The following ZIM2 variants were observed in gnomAD, a reference collection of about 807,000 sequenced individuals.
ZIM2 encodes the protein zinc finger imprinted 2, also known as zinc finger protein 656.
Under a neutral mutation model 38.6 loss-of-function variants are expected in ZIM2, and 14 were observed. That is an observed-to-expected ratio of 0.36 (90% CI 0.24 to 0.57). The LOEUF (loss-of-function observed/expected upper bound fraction) is 0.57. ZIM2 is among the 20% of genes least tolerant of loss of function. ZIM2 has a pLI of 0.81. For synonymous variants in ZIM2, 247 were observed against 245.8 expected, an observed-to-expected ratio of 1.00 and a Z score of -0.04; for missense variants, 680 against 695.1, an observed-to-expected ratio of 0.98 and a Z score of 0.24.
chr19:56,774,713 T>C lies in ZIM2; in HGVS notation c.1652A>G (p.Lys551Arg), dbSNP rs533062558. 5.0e-6 allele frequency: 8 copies of C among 1,614,138 alleles called. No individual in the cohort carries two copies. The South Asian group carries it at 7.7e-5, about 16-fold the overall frequency. Residue 551 changes from lysine to arginine, a missense_variant, in exon 13 of 13, where the codon AAA becomes AGA. By Grantham distance (26) the Lys-to-Arg change is conservative. Coordinates refer to ENST00000629319, the MANE Select transcript of ZIM2 (RefSeq NM_001387356.1). ...TQHYQLHSQE[K>R]TVECDHC is the part of the protein sequence containing the mutation. ...TCAACAGTGATCGCACTCAACAGTTTTCTCTTGAGAATGGAGTTGATAATG... is the reference window on the plus strand; with the variant it reads ...TCAACAGTGATCGCACTCAACAGTTCTCTCTTGAGAATGGAGTTGATAATG...
At chr19:56,803,142 G>A (rs1165602718) in intron 9 of ZIM2, among the ~76,000 whole-genome samples, 1 of 152,152 alleles carries the variant, frequency 6.6e-6, no homozygotes, top group Non-Finnish European at 1.5e-5. Flanking sequence ...AAAAGAAAGG[G>A]GGCAGAAGGG....
In ZIM2 at chr19:56,774,992, A is replaced by C; in HGVS notation, c.1373T>G (p.Leu458Arg). 1 of 1,614,220 alleles carries C rather than the reference A, an allele frequency of 6.2e-7. No homozygotes were observed. The highest frequency in any genetic ancestry group is 8.5e-7 in the Non-Finnish European group (1 of 1,180,044). ...CGKAFLQNVH[L>R]LQHLKAHEAA... ...CTCATGGGCTTTGAGATGTTGAAGA[A>C]GATGCACATTCTGGAGAAAAGCTTT... is the stretch of plus-strand genomic sequence containing the variant. The change falls in exon 13 of 13, where the codon CTT becomes CGT. Residue 458 changes from leucine to arginine, a missense_variant. Coordinates refer to ENST00000629319, the MANE Select transcript of ZIM2 (RefSeq NM_001387356.1).
chr19:56,811,695 A>C (rs1487217201), intron 9 of ZIM2: 1 of 985,404 alleles, frequency 1.0e-6, no homozygotes, highest in Non-Finnish European at 1.2e-6. Context: ...CCCATGTAGT[A>C]AACCTCACTG....
At position 56,816,526 on chromosome 19, in the gene ZIM2, C is replaced by T. The variant is rs755642249; in HGVS notation, c.490+1220G>A. 4 of 1,613,624 alleles carry T rather than the reference C, an allele frequency of 2.5e-6. No individual in the cohort carries two copies. The East Asian group carries it at 8.9e-5, about 36-fold the overall frequency. ...TTTCTGATGTTCTTTCAGGGATGAG[C>T]TATGAAGGAAAGTCTCCCCACACAC... On this transcript the variant is annotated intron_variant, in intron 9 of 12. Coordinates refer to ENST00000629319, the MANE Select transcript of ZIM2 (RefSeq NM_001387356.1).
intron 9 of ZIM2, chr19:56,815,972 T>C: frequency 6.3e-7 from 1 of 1,586,674 alleles, no homozygotes. Context: ...CCTTCAGAGG[T>C]GTTCCCTCCA....
intron 2 of ZIM2, 51 bp downstream of exon 2, chr19:56,835,967 G>A (rs991480669): frequency 1.0e-5 from 5 of 494,000 alleles, no homozygotes; most frequent in Non-Finnish European, 1.2e-5. Flanking sequence ...AGGAAGTGCG[G>A]TGGTCACTCC....
intron 12 of ZIM2, among the ~76,000 whole-genome samples, chr19:56,778,148 A>G (rs545244585): frequency 2.0e-5 from 3 of 152,284 alleles, no homozygotes; most frequent in African/African-American, 7.2e-5. Flanking sequence ...ATTTTTTAAA[A>G]CTACTGCCCC....
At chr19:56,781,626 A>G (rs2046336211) in intron 11 of ZIM2, among the ~76,000 whole-genome samples, 2 of 152,130 alleles carry the variant, frequency 1.3e-5, no homozygotes, top group Non-Finnish European at 2.9e-5. Flanking sequence ...TAGCCTTTCA[A>G]TGACTCAGGT....
rs116250844 is a variant in ZIM2 at position 56,796,959 on chromosome 19, C to T, written c.491-7008G>A. 5.2e-3 allele frequency among the ~76,000 whole-genome samples: 792 copies of T among 151,922 alleles called. 10 individuals carry two copies. The highest frequency in any genetic ancestry group is 0.018 in the African/African-American group (760 of 41,428). ...TAAAGACTAAACTAAGCTGTGACTA[C>T]GTGAGGGTGAGCTGAAAGCATGACA... On this transcript the variant is annotated intron_variant, in intron 9 of 12. Transcript: ENST00000629319.
In ZIM2 at chr19:56,823,596, A is replaced by C. The variant is rs1427615854; in HGVS notation, c.100T>G (p.Phe34Val). Residue 34 changes from phenylalanine to valine, a missense_variant, in exon 5 of 13, where the codon TTC (phenylalanine) becomes GTC (valine). Physicochemically the swap from Phe to Val is conservative, Grantham distance 50 (BLOSUM62 -1). Coordinates refer to ENST00000629319, the MANE Select transcript of ZIM2 (RefSeq NM_001387356.1). ...AGTGGGGATGGGTACTCACCACTGA[A>C]AGAATGGACTGAGTGAGGTGGTGAG... ...ESSPPHSVHS[F>V]SGDRDWDRRG... 2.5e-6 allele frequency: 4 copies of C among 1,614,088 alleles called. No individual in the cohort carries two copies. Among genetic ancestry groups the C allele is most frequent in the Non-Finnish European group, 3.4e-6 (4 of 1,180,008 alleles).
chr19:56,785,382 C>T (rs182147210), intron 10 of ZIM2, among the ~76,000 whole-genome samples: 26 of 152,104 alleles, frequency 1.7e-4, no homozygotes, highest in African/African-American at 6.0e-4. Flanking sequence ...TTACCTCGCT[C>T]CCCCCACCCC....
intron 10 of ZIM2, 153 bp from the exon 11 acceptor site, chr19:56,782,274 G>T: frequency 9.8e-7 from 1 of 1,017,510 alleles, no homozygotes; most frequent in Non-Finnish European, 1.4e-6. Flanking sequence ...AGAGAAGTGG[G>T]AACATTACTG....
intron 9 of ZIM2, among the ~76,000 whole-genome samples, chr19:56,805,537 T>C (rs2047718343): frequency 6.6e-6 from 1 of 152,164 alleles, no homozygotes; most frequent in Non-Finnish European, 1.5e-5. Context: ...CAGAAAGTAT[T>C]CAGTGGGTAA....
At chr19:56,832,532 C>T (rs2061673482) in intron 2 of ZIM2, among the ~76,000 whole-genome samples, 1 of 152,242 alleles carries the variant, frequency 6.6e-6, no homozygotes, top group Non-Finnish European at 1.5e-5. Context: ...CCCCTCATTA[C>T]TAAAGCTTCC....
chr19:56,825,097 A>T (rs1396143498), intron 3 of ZIM2: 1 of 161,496 alleles, frequency 6.2e-6, no homozygotes, highest in Non-Finnish European at 1.4e-5. Context: ...AAAAAGACTT[A>T]ACTGCCCAAT....
chr19:56,778,014 C>T (rs900408534), intron 12 of ZIM2, among the ~76,000 whole-genome samples: 3 of 152,150 alleles, frequency 2.0e-5, no homozygotes, highest in African/African-American at 4.8e-5. Flanking sequence ...CTCAAGATTT[C>T]TACATTGGTC....
chr19:56,816,322 T>C lies in ZIM2; in HGVS notation c.490+1424A>G. ...GCCTTCAAAGAGGTTCTTTCGAGAA[T>C]GAATTTTCTGATGCTCACTGAGCTC... On this transcript the variant is annotated intron_variant, in intron 9 of 12. Transcript: ENST00000629319. 6.2e-7 allele frequency: 1 copy of C among 1,614,160 alleles called. No individual in the cohort carries two copies. Among genetic ancestry groups the C allele is most frequent in the African/African-American group, 1.3e-5 (1 of 75,050 alleles).
At chr19:56,830,771 G>A (rs367959723) in intron 2 of ZIM2, among the ~76,000 whole-genome samples, 2 of 149,996 alleles carry the variant, frequency 1.3e-5, no homozygotes, top group Non-Finnish European at 2.9e-5. Flanking sequence ...AAAATTTACA[G>A]AAGGAACACA....
chr19:56,789,828 G>C (rs778087846), intron 10 of ZIM2, 44 bp downstream of exon 10: 5 of 1,449,382 alleles, frequency 3.4e-6, no homozygotes, highest in Non-Finnish European at 4.6e-6. Context: ...AGGAAGATAA[G>C]ATCCCCATAT....
Sources: gnomAD v4.1 joint callset for allele counts (sites outside exome capture counted in the v4.1 genomes callset) on GRCh38, gnomAD v4.1.1 for gene constraint, MANE v1.5 for transcripts, NCBI Gene and HGNC (gene_info 2026-07-23, HGNC 2026-07-21) for gene names.